The following CTNNA3 variants were observed in gnomAD, a reference collection of about 807,000 sequenced individuals.
CTNNA3 encodes the protein catenin alpha-3.
CTNNA3 carries 76 observed loss-of-function variants against 95.7 expected under a neutral mutation model. The ratio of observed to expected loss-of-function variants is 0.79; its 90% CI spans 0.66 to 0.96. The LOEUF is 0.96. CTNNA3 is among the 40% of genes least tolerant of loss of function. The probability of loss-of-function intolerance (pLI) is 0.00; values close to 1 mark genes in which losing one functional copy is unlikely to be tolerated. For missense variants in CTNNA3, 1,191 were observed against 1,089.8 expected, an observed-to-expected ratio of 1.09 and a Z score of -1.31; for synonymous variants, 431 against 374.4, an observed-to-expected ratio of 1.15 and a Z score of -1.74.
At chr10:66,728,072 C>T (rs564894848) in intron 9 of CTNNA3, among the ~76,000 whole-genome samples, 8 of 152,222 alleles carry the variant, frequency 5.3e-5, no homozygotes, top group African/African-American at 1.7e-4. Context: ...AGAAAGAAGA[C>T]AATATTGCAC....
intron 9 of CTNNA3, among the ~76,000 whole-genome samples, chr10:66,739,847 A>T (rs1359668319): frequency 2.0e-5 from 3 of 152,222 alleles, no homozygotes; most frequent in Non-Finnish European, 4.4e-5. Flanking sequence ...TATACATAAA[A>T]TATATACATA....
chr10:66,464,827 G>C (rs868105212), intron 11 of CTNNA3, among the ~76,000 whole-genome samples: 5 of 151,326 alleles, frequency 3.3e-5, no homozygotes, highest in Middle Eastern at 3.2e-3. Flanking sequence ...TTAACAATTT[G>C]TCTCTTACAG....
intron 13 of CTNNA3, among the ~76,000 whole-genome samples, chr10:66,117,947 C>T (rs1252355978): frequency 1.3e-5 from 2 of 152,230 alleles, no homozygotes; most frequent in East Asian, 1.9e-4. Context: ...CTAAAGCAGC[C>T]CAAGAGAGAG....
chr10:66,180,589 C>A (rs2085987096), intron 13 of CTNNA3, among the ~76,000 whole-genome samples: 4 of 152,120 alleles, frequency 2.6e-5, no homozygotes, highest in Admixed American at 2.6e-4. Context: ...AGCCCTGAAG[C>A]AAAATTCTTC....
chr10:66,211,129 G>A (rs998320149), intron 13 of CTNNA3, among the ~76,000 whole-genome samples: 12 of 152,200 alleles, frequency 7.9e-5, no homozygotes, highest in Non-Finnish European at 1.5e-4. Context: ...GCTTCCAAAC[G>A]GCAGCACAGT....
At chr10:66,970,886 C>G (rs762633858) in intron 7 of CTNNA3, among the ~76,000 whole-genome samples, 1 of 152,068 alleles carries the variant, frequency 6.6e-6, no homozygotes, top group Non-Finnish European at 1.5e-5. Context: ...ATACAGATCT[C>G]AAGAATTCTC....
intron 12 of CTNNA3, among the ~76,000 whole-genome samples, chr10:66,349,990 C>T (rs2092554470): frequency 6.6e-6 from 1 of 152,032 alleles, no homozygotes; most frequent in Admixed American, 6.6e-5. Context: ...TACTAATACT[C>T]TTCAACTGCA....
chr10:67,429,397 C>T (rs1395331047), intron 5 of CTNNA3, among the ~76,000 whole-genome samples: 3 of 151,950 alleles, frequency 2.0e-5, no homozygotes, highest in African/African-American at 7.2e-5. Context: ...TGGTGCAATG[C>T]TATCAATGAA....
intron 7 of CTNNA3, among the ~76,000 whole-genome samples, chr10:66,968,368 TCGAAAAAAGATATACATA>T (rs1263552765): frequency 6.8e-6 from 1 of 147,914 alleles, no homozygotes; most frequent in African/African-American, 2.5e-5. Flanking sequence ...ATAAAACACA[TCGAAAAAAGATATACATA>T]CATATTAGTT....
At chr10:66,568,675 A>T (rs1184352986) in intron 10 of CTNNA3, among the ~76,000 whole-genome samples, 1 of 152,046 alleles carries the variant, frequency 6.6e-6, no homozygotes, top group African/African-American at 2.4e-5. Context: ...TCACAAAGCT[A>T]GGGAGCAATA....
chr10:67,472,911 A>G (rs886793497), intron 5 of CTNNA3, among the ~76,000 whole-genome samples: 2 of 152,036 alleles, frequency 1.3e-5, no homozygotes, highest in African/African-American at 2.4e-5. Flanking sequence ...GCCCTTCATG[A>G]CCCTTTCCCC....
chr10:67,581,681 C>A (rs1173640932), intron 3 of CTNNA3, among the ~76,000 whole-genome samples: 1 of 152,056 alleles, frequency 6.6e-6, no homozygotes, highest in Non-Finnish European at 1.5e-5. Flanking sequence ...TGTGAATCTG[C>A]CTGGTCCTGG....
intron 5 of CTNNA3, among the ~76,000 whole-genome samples, chr10:67,450,806 A>T (rs1229093669): frequency 6.6e-6 from 1 of 151,992 alleles, no homozygotes; most frequent in African/African-American, 2.4e-5. Flanking sequence ...AAAGTTAAAG[A>T]TTGAATCATA....
intron 11 of CTNNA3, among the ~76,000 whole-genome samples, chr10:66,399,251 A>G (rs1019548942): frequency 6.6e-6 from 1 of 151,784 alleles, no homozygotes; most frequent in African/African-American, 2.4e-5. Flanking sequence ...TATTTTCTCA[A>G]TGCTGTGTAT....
chr10:67,533,453 T>TA (rs1180953932), intron 4 of CTNNA3, among the ~76,000 whole-genome samples: 6 of 152,184 alleles, frequency 3.9e-5, no homozygotes, highest in African/African-American at 9.7e-5. Context: ...TAAATTCCTA[T>TA]AAAAAATTTA....
chr10:67,191,429 A>G (rs1201161648), intron 6 of CTNNA3, among the ~76,000 whole-genome samples: 2 of 152,062 alleles, frequency 1.3e-5, no homozygotes, highest in African/African-American at 4.8e-5. Context: ...ACCAAAGTAC[A>G]AAAATCAGTT....
intron 7 of CTNNA3, among the ~76,000 whole-genome samples, chr10:67,122,313 CA>C (rs1444665295): frequency 6.6e-6 from 1 of 150,996 alleles, no homozygotes; most frequent in Non-Finnish European, 1.5e-5. Context: ...ACCCTTTGTC[CA>C]AAAAAAGATT....
chr10:67,215,364 T>C (rs1012918306), intron 6 of CTNNA3, among the ~76,000 whole-genome samples: 25 of 152,164 alleles, frequency 1.6e-4, no homozygotes, highest in African/African-American at 5.5e-4. Flanking sequence ...TTCTGTAGTT[T>C]GTTCATTCTA....
At chr10:67,557,722 C>G (rs1564737378) in intron 3 of CTNNA3, among the ~76,000 whole-genome samples, 3 of 152,266 alleles carry the variant, frequency 2.0e-5, no homozygotes, top group Non-Finnish European at 4.4e-5. Context: ...GGGTTGTTTA[C>G]AGAATTTCTG....
Sources: allele counts gnomAD v4.1 joint callset (sites outside exome capture counted in the v4.1 genomes callset), GRCh38; gene constraint gnomAD v4.1.1; transcripts MANE v1.5; gene names NCBI Gene and HGNC (gene_info 2026-07-23, HGNC 2026-07-21).